The following NEK3 variants were observed in gnomAD, a reference collection of about 807,000 sequenced individuals.
NEK3 encodes serine/threonine-protein kinase Nek3.
A neutral mutation model predicts 66.0 loss-of-function variants in NEK3; 54 were observed. The observed-to-expected ratio is 0.82, with a 90% CI of 0.66 to 1.03. The LOEUF (loss-of-function observed/expected upper bound fraction) is 1.03. Among genes scored for constraint, NEK3 ranks in the 50% least tolerant of loss-of-function variants. The pLI, the probability that NEK3 is intolerant of heterozygous loss-of-function variation, is 0.00. For synonymous variants in NEK3, 200 were observed against 206.2 expected (o/e 0.97, Z 0.26); for missense variants, 593 against 603.0 (o/e 0.98, Z 0.17).
chr13:52,153,349 A>C (rs752575682), intron 4 of NEK3, among the ~76,000 whole-genome samples: 1 of 152,158 alleles, frequency 6.6e-6, no homozygotes, highest in Non-Finnish European at 1.5e-5. Flanking sequence ...AACATGCTAT[A>C]ACCTAGATCA....
intron 7 of NEK3, among the ~76,000 whole-genome samples, chr13:52,148,757 GGAA>G (rs1477296482): frequency 1.3e-5 from 2 of 152,236 alleles, no homozygotes; most frequent in East Asian, 1.9e-4. Flanking sequence ...GATCACAGCT[GGAA>G]GAAGGACTCT....
chr13:52,144,591 G>C (rs1015947012), intron 9 of NEK3, 100 bp downstream of exon 9: 5 of 935,578 alleles, frequency 5.3e-6, no homozygotes, highest in Admixed American at 2.6e-5. Flanking sequence ...TGTATCATTT[G>C]GATTTTGATG....
At chr13:52,153,470 A>C (rs1956364191) in intron 4 of NEK3, among the ~76,000 whole-genome samples, 1 of 152,180 alleles carries the variant, frequency 6.6e-6, no homozygotes, top group African/African-American at 2.4e-5. Flanking sequence ...TGAAGGGACC[A>C]CTTCAAGCTT....
chr13:52,139,229 T>G (rs544156098), intron 11 of NEK3, among the ~76,000 whole-genome samples: 5 of 152,214 alleles, frequency 3.3e-5, no homozygotes, highest in African/African-American at 1.2e-4. Flanking sequence ...AGCACAGCAA[T>G]AAAAAGGAAT....
chr13:52,151,860 CTA>C (rs1022366695), intron 5 of NEK3, among the ~76,000 whole-genome samples: 1 of 152,214 alleles, frequency 6.6e-6, no homozygotes, highest in African/African-American at 2.4e-5. Flanking sequence ...TGTACGTTTT[CTA>C]TGTTTAAATA....
intron 10 of NEK3, among the ~76,000 whole-genome samples, chr13:52,141,484 T>C (rs1956249746): frequency 1.3e-5 from 2 of 152,146 alleles, no homozygotes. Flanking sequence ...GTTTATTAAC[T>C]CAGAAGAGAC....
intron 11 of NEK3, among the ~76,000 whole-genome samples, chr13:52,137,676 G>A (rs1290414403): frequency 1.3e-5 from 2 of 152,184 alleles, no homozygotes; most frequent in Non-Finnish European, 2.9e-5. Context: ...AATCTTGGAG[G>A]AGTAGTGGTG....
intron 8 of NEK3, 121 bp downstream of exon 8, chr13:52,148,294 T>C (rs1956310913): frequency 2.3e-6 from 2 of 879,014 alleles, no homozygotes; most frequent in South Asian, 1.6e-5. Flanking sequence ...ACTGGAAACA[T>C]ATACAAACTT....
intron 10 of NEK3, among the ~76,000 whole-genome samples, chr13:52,141,690 C>T (rs796760741): frequency 6.6e-5 from 10 of 152,300 alleles, no homozygotes; most frequent in African/African-American, 2.4e-4. Flanking sequence ...TTATTCTGGT[C>T]TGTCTACAGA....
At chr13:52,133,252 A>C (rs772818079) in intron 15 of NEK3, 26 bp from the exon 16 acceptor site, 7 of 1,545,020 alleles carry the variant, frequency 4.5e-6, no homozygotes, top group Non-Finnish European at 6.2e-6. Context: ...TTGGACCATA[A>C]ACCTCTACAT....
chr13:52,148,317 C>A, intron 8 of NEK3, 98 bp downstream of exon 8: 2 of 1,144,994 alleles, frequency 1.7e-6, no homozygotes, highest in African/African-American at 1.5e-5. Context: ...ATAATGACTT[C>A]ATCCTAGGGA....
At position 52,156,120 on chromosome 13, in the gene NEK3, T is replaced by C; in HGVS notation, c.72A>G (p.Glu24=). ...TCATGGCAAACATCTGATTACTGCT[T>C]TCATGCTGAACCAAAAGAGCTCTGC... ...SFGRALLVQH[E]SSNQMFAMKE... is the part of the protein sequence containing the mutation. Residue 24 remains glutamate, a synonymous_variant, in exon 2 of 16, where the codon GAA becomes GAG. Coordinates refer to ENST00000610828, the MANE Select transcript of NEK3 (RefSeq NM_002498.3). 1 of 1,608,386 alleles carries C rather than the reference T, an allele frequency of 6.2e-7. No homozygotes were observed. The highest frequency in any genetic ancestry group is 8.5e-7 in the Non-Finnish European group (1 of 1,177,300).
At chr13:52,154,234 C>T (rs933569318) in intron 2 of NEK3, 61 bp from the exon 3 acceptor site, 1 of 1,057,636 alleles carries the variant, frequency 9.5e-7, no homozygotes, top group East Asian at 2.6e-5. Flanking sequence ...CATAACTTTA[C>T]AATAACATGG....
At chr13:52,147,466 T>C (rs1011671791) in intron 8 of NEK3, among the ~76,000 whole-genome samples, 2 of 152,228 alleles carry the variant, frequency 1.3e-5, no homozygotes, top group Non-Finnish European at 2.9e-5. Context: ...TGATAGATGC[T>C]ACAACATGGA....
At chr13:52,148,799 G>A (rs978365993) in intron 7 of NEK3, among the ~76,000 whole-genome samples, 5 of 152,078 alleles carry the variant, frequency 3.3e-5, no homozygotes, top group East Asian at 1.9e-4. Flanking sequence ...TTTCTATTCC[G>A]ACCACCCTGG....
chr13:52,156,071 T>G lies in NEK3; in HGVS notation c.117+4A>C, dbSNP rs1476365113. ...CAAAGTGAGCTAATTTCTTTAGTAG[T>G]GACCTTGGGAAGCCTTATTTCTTTC... is the stretch of plus-strand genomic sequence containing the variant. On this transcript the variant is annotated splice_donor_region_variant and intron_variant, in intron 2 of 15. Transcript: ENST00000610828. 6.4e-7 allele frequency: 1 copy of G among 1,564,334 alleles called. No homozygotes were observed. The highest frequency in any genetic ancestry group is 1.4e-5 in the African/African-American group (1 of 74,060).
chr13:52,146,935 C>T (rs1287976860), intron 8 of NEK3, among the ~76,000 whole-genome samples: 1 of 152,194 alleles, frequency 6.6e-6, no homozygotes, highest in Non-Finnish European at 1.5e-5. Context: ...AGCTAACCTT[C>T]AGCCTGTGCC....
intron 11 of NEK3, among the ~76,000 whole-genome samples, chr13:52,139,926 G>A (rs557716710): frequency 6.6e-6 from 1 of 151,550 alleles, no homozygotes; most frequent in South Asian, 2.1e-4. Flanking sequence ...AAGCAGCCAG[G>A]CCCAATGGCT....
At position 52,143,083 on chromosome 13, in the gene NEK3, G is replaced by A. The variant is rs139233252; in HGVS notation, c.877+832C>T. 6.2e-3 allele frequency among the ~76,000 whole-genome samples: 941 copies of A among 152,228 alleles called. 13 individuals carry two copies. The highest frequency in any genetic ancestry group is 0.022 in the African/African-American group (893 of 41,532). Reference sequence around the variant, plus strand: ...GATCCACCCAGCACTTTGGGAGGCCGAGGTGGGTGGATCACCTGAGGTCAG... The same window carrying A: ...GATCCACCCAGCACTTTGGGAGGCCAAGGTGGGTGGATCACCTGAGGTCAG... On this transcript the variant is annotated intron_variant, in intron 10 of 15. Transcript: ENST00000610828.
Sources: allele counts gnomAD v4.1 joint callset (sites outside exome capture counted in the v4.1 genomes callset), GRCh38; gene constraint gnomAD v4.1.1; transcripts MANE v1.5; gene names NCBI Gene and HGNC (gene_info 2026-07-23, HGNC 2026-07-21).